The following CEP85L variants were observed in gnomAD, a reference collection of about 807,000 sequenced individuals.
The protein encoded by CEP85L is centrosomal protein 85L, also known as centrosomal protein of 85 kDa-like.
CEP85L carries 60 observed loss-of-function variants against 100.3 expected under a neutral mutation model. The ratio of observed to expected loss-of-function variants is 0.60; its 90% CI spans 0.49 to 0.74. The LOEUF (loss-of-function observed/expected upper bound fraction) is 0.74, where lower values mean the gene tolerates loss of function less well. CEP85L is among the 30% of genes least tolerant of loss of function. The pLI is 0.00. For missense variants in CEP85L, 973 were observed against 936.2 expected (o/e 1.04, Z -0.51); for synonymous variants, 319 against 322.7 (o/e 0.99, Z 0.12).
chr6:118,567,243 GTGTGTGTATATATATATATA>G (rs1324100847), intron 2 of CEP85L, among the ~76,000 whole-genome samples: 357 of 31,332 alleles, frequency 0.011, no homozygotes, highest in African/African-American at 0.014. Flanking sequence ...GTGTGTGTGT[GTGTGTGTATATATATATATA>G]TATATATATA....
At chr6:118,586,274 T>C (rs188475598) in intron 2 of CEP85L, among the ~76,000 whole-genome samples, 1 of 152,358 alleles carries the variant, frequency 6.6e-6, no homozygotes, top group East Asian at 1.9e-4. Flanking sequence ...TCTTAGCTTT[T>C]TTGAAATGCT....
rs1206890293 is a variant in CEP85L at position 118,563,741 on chromosome 6, G to A, written c.1020+1788C>T. On this transcript the variant is annotated intron_variant, in intron 3 of 12. Transcript: ENST00000368491. ...GCTGGGATTACAGGCGTGCGCTACAGTGCCTGGCCAGAAGTCAATGTTTCA... is the reference window on the plus strand; with the variant it reads ...GCTGGGATTACAGGCGTGCGCTACAATGCCTGGCCAGAAGTCAATGTTTCA... Among the ~76,000 whole-genome samples the A allele has an allele frequency of 2.0e-5, 3 of 152,256 alleles. No homozygotes were observed. The East Asian group carries it at 5.8e-4, about 29-fold the overall frequency.
chr6:118,560,316 T>C (rs1181714880), intron 3 of CEP85L: 7 of 167,070 alleles, frequency 4.2e-5, no homozygotes, highest in African/African-American at 1.7e-4. Context: ...GTGTTATATG[T>C]ATTATACACT....
At chr6:118,574,167 T>A (rs1780076268) in intron 2 of CEP85L, 2 of 152,226 alleles carry the variant, frequency 1.3e-5, no homozygotes, top group South Asian at 4.1e-4. Context: ...AGCCCAGACA[T>A]GTCCAGACAT....
intron 3 of CEP85L, chr6:118,559,515 A>G (rs1206916339): frequency 4.8e-6 from 1 of 207,002 alleles, no homozygotes; most frequent in East Asian, 1.3e-4. Flanking sequence ...TCAGGTCTTC[A>G]CCAAGTATCA....
At chr6:118,602,132 G>T (rs1004740101) in intron 2 of CEP85L, among the ~76,000 whole-genome samples, 1 of 152,090 alleles carries the variant, frequency 6.6e-6, no homozygotes, top group Middle Eastern at 3.2e-3. Context: ...ACTTCTTCAG[G>T]CTGAATAGGG....
chr6:118,510,296 A>G (rs1359675939), intron 5 of CEP85L, among the ~76,000 whole-genome samples: 1 of 152,150 alleles, frequency 6.6e-6, no homozygotes, highest in African/African-American at 2.4e-5. Flanking sequence ...CAAAATATTG[A>G]GACAAAATTG....
intron 2 of CEP85L, among the ~76,000 whole-genome samples, chr6:118,584,892 C>T (rs1393842080): frequency 6.6e-6 from 1 of 152,206 alleles, no homozygotes; most frequent in African/African-American, 2.4e-5. Flanking sequence ...GTTCCAACAT[C>T]CAATTAAAGA....
At chr6:118,659,007 C>A (rs1197626797) in intron 1 of CEP85L, among the ~76,000 whole-genome samples, 1 of 151,998 alleles carries the variant, frequency 6.6e-6, no homozygotes, top group Admixed American at 6.6e-5. Flanking sequence ...TAAAACTGAA[C>A]TCAGAAAAAA....
chr6:118,512,327 G>A (rs1317471401), intron 4 of CEP85L, among the ~76,000 whole-genome samples: 3 of 151,900 alleles, frequency 2.0e-5, no homozygotes, highest in African/African-American at 7.2e-5. Flanking sequence ...ATACAGGCAT[G>A]AGGAAGCTAC....
At chr6:118,704,890 A>C (rs1777546602) in intron 1 of CEP85L, among the ~76,000 whole-genome samples, 1 of 151,986 alleles carries the variant, frequency 6.6e-6, no homozygotes, top group Non-Finnish European at 1.5e-5. Flanking sequence ...CCTTTCTTTC[A>C]GTGGCTTTTT....
chr6:118,607,920 C>T (rs1772340092), intron 2 of CEP85L, among the ~76,000 whole-genome samples: 1 of 152,088 alleles, frequency 6.6e-6, no homozygotes, highest in Admixed American at 6.5e-5. Flanking sequence ...AAATATGTTA[C>T]AGGAACGAGG....
chr6:118,609,861 AGTTCCT>A (rs1772493019), intron 2 of CEP85L, among the ~76,000 whole-genome samples: 2 of 152,318 alleles, frequency 1.3e-5, no homozygotes, highest in South Asian at 4.1e-4. Context: ...AGGACATACC[AGTTCCT>A]GTCCTATGAT....
chr6:118,465,153 T>C lies in CEP85L; in HGVS notation c.*252A>G, dbSNP rs1772425001. On this transcript the variant is annotated 3_prime_UTR_variant, in exon 13 of 13. Coordinates refer to ENST00000368491, the MANE Select transcript of CEP85L (RefSeq NM_001042475.3). Reference sequence around the variant, plus strand: ...ACAGCTTGGTCCTACAATCAGTAGTTTGAGAATATAGACATTTTTTTCCTT... The same window carrying C: ...ACAGCTTGGTCCTACAATCAGTAGTCTGAGAATATAGACATTTTTTTCCTT... The C allele has an allele frequency of 2.5e-6, 1 of 398,424 alleles. No homozygotes were observed. Among genetic ancestry groups the C allele is most frequent in the Non-Finnish European group, 4.5e-6 (1 of 220,616 alleles). 24.7% of individuals were successfully genotyped at this position (398,424 alleles called of 1,614,324 possible). A position where few individuals can be genotyped will look rare whatever the true frequency, so the allele number is the denominator to read the frequency against.
chr6:118,708,067 C>T (rs1777660028), intron 1 of CEP85L, among the ~76,000 whole-genome samples: 1 of 152,138 alleles, frequency 6.6e-6, no homozygotes, highest in African/African-American at 2.4e-5. Flanking sequence ...TCTTAGAGTT[C>T]AATCCTATAA....
At chr6:118,567,205 A>ATGTGTG (rs1779563408) in intron 2 of CEP85L, among the ~76,000 whole-genome samples, 1 of 77,238 alleles carries the variant, frequency 1.3e-5, no homozygotes, top group African/African-American at 4.8e-5. Context: ...ATGAATATAT[A>ATGTGTG]TGTATGTGTG....
At chr6:118,588,063 T>C (rs1780970764) in intron 2 of CEP85L, among the ~76,000 whole-genome samples, 2 of 152,208 alleles carry the variant, frequency 1.3e-5, no homozygotes, top group African/African-American at 2.4e-5. Flanking sequence ...CTTATTAAAT[T>C]CTACCAAGAT....
At chr6:118,666,972 A>T (rs948414323) in intron 1 of CEP85L, among the ~76,000 whole-genome samples, 8 of 152,214 alleles carry the variant, frequency 5.3e-5, no homozygotes, top group African/African-American at 1.9e-4. Context: ...CCAATCAGGT[A>T]ATTCAGTCTT....
At chr6:118,484,846 C>A (rs1431598850) in intron 6 of CEP85L, among the ~76,000 whole-genome samples, 3 of 152,178 alleles carry the variant, frequency 2.0e-5, no homozygotes, top group African/African-American at 7.2e-5. Context: ...ACACCAAATA[C>A]TTAGGGGCAG....
Sources: gnomAD v4.1 joint callset for allele counts (sites outside exome capture counted in the v4.1 genomes callset) on GRCh38, gnomAD v4.1.1 for gene constraint, MANE v1.5 for transcripts, NCBI Gene and HGNC (gene_info 2026-07-23, HGNC 2026-07-21) for gene names.